The following ADAMTSL1 variants were observed in gnomAD, a reference collection of about 807,000 sequenced individuals.
The protein encoded by ADAMTSL1 is ADAMTS like 1, also known as ADAMTS-like protein 1.
Under a neutral mutation model 201.8 loss-of-function variants are expected in ADAMTSL1, and 126 were observed. That is an observed-to-expected ratio of 0.62 (90% CI 0.54 to 0.72). The LOEUF (loss-of-function observed/expected upper bound fraction) is 0.72, where lower values mean the gene tolerates loss of function less well. Among genes scored for constraint, ADAMTSL1 ranks in the 30% least tolerant of loss-of-function variants. ADAMTSL1 has a pLI of 0.00. For missense variants in ADAMTSL1, 2,679 were observed against 2,277.8 expected (o/e 1.18, Z -3.59); for synonymous variants, 1,121 against 903.4 (o/e 1.24, Z -4.32).
At chr9:18,819,829 G>A (rs1824098505) in intron 21 of ADAMTSL1, among the ~76,000 whole-genome samples, 1 of 152,230 alleles carries the variant, frequency 6.6e-6, no homozygotes, top group Middle Eastern at 3.2e-3. Flanking sequence ...GTGGGAAAGA[G>A]CCTGCTTATA....
intron 26 of ADAMTSL1, among the ~76,000 whole-genome samples, chr9:18,902,833 G>A (rs186896336): frequency 6.6e-6 from 1 of 152,102 alleles, no homozygotes; most frequent in Non-Finnish European, 1.5e-5. Context: ...AGCTACATTG[G>A]CAAAGAAAAA....
Position 18,908,747 on chromosome 9 carries a change from G to T in ADAMTSL1, c.*199G>T. ...TCTCTTTCAGTTAGCTGGAGGACAG[G>T]ATGTTGGGAAAGGAAAGGACAGATG... On this transcript the variant is annotated 3_prime_UTR_variant, in exon 29 of 29. Transcript: ENST00000380548. 1 of 535,902 alleles carries T rather than the reference G, an allele frequency of 1.9e-6. No homozygotes were observed. The highest frequency in any genetic ancestry group is 3.3e-6 in the Non-Finnish European group (1 of 298,714). The allele number at this position is 535,902 out of a possible 1,614,324, so 33.2% of individuals were successfully genotyped here. A position where few individuals can be genotyped will look rare whatever the true frequency, so the allele number is the denominator to read the frequency against.
chr9:18,005,985 T>C (rs1030838808), intron 1 of ADAMTSL1, among the ~76,000 whole-genome samples: 2 of 151,932 alleles, frequency 1.3e-5, no homozygotes, highest in African/African-American at 4.8e-5. Context: ...TATGAGATCA[T>C]GTATGTGTGA....
chr9:18,098,846 G>A lies in ADAMTSL1; in HGVS notation c.88-65016G>A, dbSNP rs377549950. Among the ~76,000 whole-genome samples the A allele has an allele frequency of 3.4e-4, 52 of 152,204 alleles. No individual in the cohort carries two copies. The East Asian group carries it at 6.0e-3, about 18-fold the overall frequency. ...TCATCAGGACCACAGTGCTTAGCTA[G>A]GACTCCAGCTCACTGAACTACAATA... On this transcript the variant is annotated intron_variant, in intron 1 of 29. Coordinates refer to the ADAMTSL1 transcript ENST00000680146.
intron 2 of ADAMTSL1, among the ~76,000 whole-genome samples, chr9:18,419,479 T>A (rs1408262714): frequency 6.6e-6 from 1 of 151,530 alleles, no homozygotes; most frequent in African/African-American, 2.4e-5. Context: ...AAAATTATGT[T>A]TGCACAAAAA....
chr9:18,825,960 C>A (rs374930234), intron 21 of ADAMTSL1, among the ~76,000 whole-genome samples: 2 of 152,204 alleles, frequency 1.3e-5, no homozygotes, highest in African/African-American at 4.8e-5. Flanking sequence ...GCAAGCCCCC[C>A]CTGCCAGCTT....
At chr9:18,383,390 G>A (rs1837644493) in intron 2 of ADAMTSL1, among the ~76,000 whole-genome samples, 1 of 151,952 alleles carries the variant, frequency 6.6e-6, no homozygotes, top group Non-Finnish European at 1.5e-5. Context: ...ACGTGTTTAA[G>A]GCCTTTCATT....
chr9:17,969,838 C>T (rs1304201260), intron 1 of ADAMTSL1, among the ~76,000 whole-genome samples: 1 of 151,936 alleles, frequency 6.6e-6, no homozygotes, highest in Non-Finnish European at 1.5e-5. Flanking sequence ...ATAAAGGTAA[C>T]AGTTACTTTA....
chr9:18,859,670 T>C (rs1233330623), intron 23 of ADAMTSL1, among the ~76,000 whole-genome samples: 1 of 152,222 alleles, frequency 6.6e-6, no homozygotes, highest in Non-Finnish European at 1.5e-5. Flanking sequence ...TACTGAGCTA[T>C]CAGTGCTACT....
At chr9:18,032,496 T>A (rs1228104273) in intron 1 of ADAMTSL1, among the ~76,000 whole-genome samples, 1 of 151,864 alleles carries the variant, frequency 6.6e-6, no homozygotes. Context: ...AGGTAGGCAG[T>A]TTTGGGAGGG....
chr9:18,068,444 C>T (rs971686527), intron 1 of ADAMTSL1, among the ~76,000 whole-genome samples: 2 of 152,008 alleles, frequency 1.3e-5, no homozygotes, highest in African/African-American at 4.8e-5. Context: ...TCTGTGTAGG[C>T]CATATGCAAA....
chr9:18,845,532 G>T (rs1826050676), intron 23 of ADAMTSL1, among the ~76,000 whole-genome samples: 1 of 152,212 alleles, frequency 6.6e-6, no homozygotes, highest in African/African-American at 2.4e-5. Context: ...ACTTCTTAGA[G>T]CCCTTCCAGC....
chr9:18,281,364 G>A lies in ADAMTSL1; in HGVS notation c.207+117383G>A, dbSNP rs552161061. Among the ~76,000 whole-genome samples, 37 of 152,132 alleles carry A rather than the reference G, an allele frequency of 2.4e-4. 1 individual carries two copies. The South Asian group carries it at 6.2e-3, about 26-fold the overall frequency. ...AGCCTGGGCTCCAGAGTCAGACACC[G>A]CACTCACCAGACTATGGAGAATTCA... On this transcript the variant is annotated intron_variant, in intron 2 of 29. Coordinates refer to the ADAMTSL1 transcript ENST00000680146.
chr9:18,584,994 A>G (rs989782283), intron 4 of ADAMTSL1, among the ~76,000 whole-genome samples: 1 of 152,158 alleles, frequency 6.6e-6, no homozygotes, highest in African/African-American at 2.4e-5. Context: ...ATTTCTATCA[A>G]CTGTCTCTTC....
intron 1 of ADAMTSL1, among the ~76,000 whole-genome samples, chr9:17,939,370 G>C (rs1184013051): frequency 6.6e-6 from 1 of 150,698 alleles, no homozygotes; most frequent in African/African-American, 2.4e-5. Flanking sequence ...AAACTAGTCT[G>C]TTCTTGGGTC....
At chr9:18,552,771 G>C (rs1820865064) in intron 3 of ADAMTSL1, among the ~76,000 whole-genome samples, 1 of 151,542 alleles carries the variant, frequency 6.6e-6, no homozygotes, top group African/African-American at 2.4e-5. Flanking sequence ...TCATAAGTTA[G>C]TGACTGTCTT....
chr9:18,005,078 T>C (rs1389711387), intron 1 of ADAMTSL1, among the ~76,000 whole-genome samples: 7 of 152,126 alleles, frequency 4.6e-5, no homozygotes, highest in African/African-American at 1.2e-4. Flanking sequence ...GTTTGATCCG[T>C]GCTCTGACGG....
intron 2 of ADAMTSL1, among the ~76,000 whole-genome samples, chr9:18,243,940 T>G (rs930097598): frequency 3.3e-5 from 5 of 152,138 alleles, no homozygotes; most frequent in African/African-American, 1.2e-4. Context: ...GAATGCTTAG[T>G]GCAGTCATAT....
At chr9:17,981,390 T>G (rs996389821) in intron 1 of ADAMTSL1, among the ~76,000 whole-genome samples, 7 of 152,238 alleles carry the variant, frequency 4.6e-5, no homozygotes, top group African/African-American at 1.2e-4. Flanking sequence ...TTTATTTCAT[T>G]AAGTATGCTA....
Sources: allele counts gnomAD v4.1 joint callset (sites outside exome capture counted in the v4.1 genomes callset), GRCh38; gene constraint gnomAD v4.1.1; transcripts MANE v1.5; gene names NCBI Gene and HGNC (gene_info 2026-07-23, HGNC 2026-07-21).